Variants in SNX29 observed in about 807,000 individuals in gnomAD.
SNX29 encodes the protein sorting nexin-29.
In SNX29, 78 loss-of-function variants were observed where a neutral mutation model predicts 102.1. The observed-to-expected ratio is 0.76, with a 90% CI of 0.64 to 0.92. SNX29 has a LOEUF of 0.92. Among genes scored for constraint, SNX29 ranks in the 40% least tolerant of loss-of-function variants. SNX29 has a pLI of 0.00. For missense variants in SNX29, 1,280 were observed against 1,061.7 expected (o/e 1.21, Z -2.86); for synonymous variants, 580 against 414.5 (o/e 1.40, Z -4.85).
Position 12,129,255 on chromosome 16 carries a change from C to A in SNX29, c.1467-375C>A, listed in dbSNP as rs540456880. Among the ~76,000 whole-genome samples, 55 of 152,292 alleles carry A rather than the reference C, an allele frequency of 3.6e-4. 1 individual carries two copies. Among genetic ancestry groups the A allele is most frequent in the Non-Finnish European group, 5.4e-4 (37 of 68,026 alleles). ...ATCCTTTCCTTGGTTAAATCTCTGACCTGGTGTAGCTGTGACAAAATGGTC... is the reference window on the plus strand; with the variant it reads ...ATCCTTTCCTTGGTTAAATCTCTGAACTGGTGTAGCTGTGACAAAATGGTC... On this transcript the variant is annotated intron_variant, in intron 12 of 20. Transcript: ENST00000566228.
At chr16:12,070,223 A>G (rs1415975768) in intron 10 of SNX29, among the ~76,000 whole-genome samples, 1 of 151,604 alleles carries the variant, frequency 6.6e-6, no homozygotes, top group African/African-American at 2.4e-5. Flanking sequence ...CATGTGCACA[A>G]TGTTCAGGTT....
intron 3 of SNX29, among the ~76,000 whole-genome samples, chr16:12,010,373 G>A (rs1359532710): frequency 1.3e-5 from 2 of 152,152 alleles, no homozygotes; most frequent in Non-Finnish European, 2.9e-5. Flanking sequence ...GTAATCTCAA[G>A]CCCTTTGAGA....
chr16:12,566,843 G>A lies in SNX29; in HGVS notation c.2319-1663G>A, dbSNP rs527620906. On this transcript the variant is annotated intron_variant, in intron 20 of 20. Transcript: ENST00000566228. ...GCTCCGGCTTTGTTCAAGGTCAAAT[G>A]TTTCTTTTTCATCCATGCACAGAAG... Among the ~76,000 whole-genome samples the A allele has an allele frequency of 3.9e-5, 6 of 152,324 alleles. No homozygotes were observed. In the South Asian group the frequency reaches 1.0e-3, roughly 26 times the overall value.
chr16:12,253,860 G>A (rs1195231089), intron 14 of SNX29, among the ~76,000 whole-genome samples: 1 of 152,140 alleles, frequency 6.6e-6, no homozygotes, highest in Admixed American at 6.5e-5. Context: ...GCAGAGAAGA[G>A]CTGGCAGGTG....
chr16:12,152,601 C>T (rs909348352), intron 13 of SNX29, among the ~76,000 whole-genome samples: 14 of 152,168 alleles, frequency 9.2e-5, no homozygotes, highest in South Asian at 2.1e-4. Context: ...GTGAGAGACA[C>T]GGTGTTTCTG....
At chr16:12,487,748 G>C (rs1398831759) in intron 19 of SNX29, among the ~76,000 whole-genome samples, 1 of 152,240 alleles carries the variant, frequency 6.6e-6, no homozygotes, top group African/African-American at 2.4e-5. Context: ...CCCCGCAACT[G>C]CTAGGGCTCC....
chr16:12,318,965 T>C (rs2080842379), intron 15 of SNX29, among the ~76,000 whole-genome samples: 2 of 152,126 alleles, frequency 1.3e-5, no homozygotes, highest in South Asian at 2.1e-4. Context: ...CCTTATCTTG[T>C]CTCCTGCTAA....
intron 18 of SNX29, among the ~76,000 whole-genome samples, chr16:12,403,930 G>C (rs1224587748): frequency 6.6e-6 from 1 of 152,150 alleles, no homozygotes; most frequent in Non-Finnish European, 1.5e-5. Flanking sequence ...CAGGCCAGCT[G>C]TCCGTGGGTT....
At chr16:12,410,168 G>T (rs934028081) in intron 18 of SNX29, among the ~76,000 whole-genome samples, 2 of 151,944 alleles carry the variant, frequency 1.3e-5, no homozygotes, top group Non-Finnish European at 2.9e-5. Context: ...CTAATTTTTT[G>T]TAGTTTTAGT....
At chr16:12,316,397 G>T (rs1259026767) in intron 15 of SNX29, among the ~76,000 whole-genome samples, 1 of 152,158 alleles carries the variant, frequency 6.6e-6, no homozygotes, top group Admixed American at 6.5e-5. Flanking sequence ...ACAAAAATTA[G>T]CTGGGCGTGG....
intron 14 of SNX29, among the ~76,000 whole-genome samples, chr16:12,269,214 T>C (rs2142589541): frequency 6.6e-6 from 1 of 152,330 alleles, no homozygotes; most frequent in Non-Finnish European, 1.5e-5. Context: ...AGGAGAAAGT[T>C]GCTGACTATT....
At chr16:12,469,207 T>C (rs2087219524) in intron 18 of SNX29, among the ~76,000 whole-genome samples, 1 of 152,218 alleles carries the variant, frequency 6.6e-6, no homozygotes, top group Admixed American at 6.5e-5. Context: ...CATAACCCAG[T>C]GAACTGAAAA....
At chr16:12,116,845 A>C (rs2664186) in intron 11 of SNX29, among the ~76,000 whole-genome samples, 102,443 of 150,334 alleles carry the variant, frequency 0.68, 35,721 homozygotes, top group East Asian at 0.91. Context: ...TGCTTCAACG[A>C]GGACGAACCA....
intron 18 of SNX29, among the ~76,000 whole-genome samples, chr16:12,423,393 G>T (rs1320858374): frequency 6.6e-6 from 1 of 152,088 alleles, no homozygotes; most frequent in Non-Finnish European, 1.5e-5. Flanking sequence ...ATCACTTCCA[G>T]ATGAGGAAGC....
intron 13 of SNX29, among the ~76,000 whole-genome samples, chr16:12,179,910 C>G (rs1176799159): frequency 6.6e-6 from 1 of 152,228 alleles, no homozygotes; most frequent in Non-Finnish European, 1.5e-5. Context: ...ACTCTTCTTT[C>G]TCTAAACGTC....
chr16:12,473,697 A>T (rs2087462606), intron 18 of SNX29, among the ~76,000 whole-genome samples: 1 of 152,214 alleles, frequency 6.6e-6, no homozygotes, highest in Non-Finnish European at 1.5e-5. Flanking sequence ...TTGCTGATTA[A>T]ACAGGTTGCA....
intron 14 of SNX29, among the ~76,000 whole-genome samples, chr16:12,272,708 A>T (rs570348530): frequency 5.1e-4 from 78 of 152,244 alleles, no homozygotes; most frequent in African/African-American, 1.5e-3. Context: ...TAGCTTTATT[A>T]CAAAAGACAG....
chr16:12,434,981 G>C (rs994829582), intron 18 of SNX29, among the ~76,000 whole-genome samples: 3 of 151,504 alleles, frequency 2.0e-5, no homozygotes, highest in African/African-American at 7.3e-5. Context: ...GGGCGGTGGG[G>C]GGGGTTTGGT....
At chr16:12,324,177 TG>T (rs919418501) in intron 15 of SNX29, among the ~76,000 whole-genome samples, 1 of 151,834 alleles carries the variant, frequency 6.6e-6, no homozygotes, top group African/African-American at 2.4e-5. Flanking sequence ...CATGGGCTTT[TG>T]GGGGGGTCCC....
Sources: allele counts gnomAD v4.1 joint callset (sites outside exome capture counted in the v4.1 genomes callset), GRCh38; gene constraint gnomAD v4.1.1; transcripts MANE v1.5; gene names NCBI Gene and HGNC (gene_info 2026-07-23, HGNC 2026-07-21).